MEGF11: variants seen among roughly 807,000 people sequenced by gnomAD.
MEGF11 encodes multiple epidermal growth factor-like domains protein 11.
MEGF11 carries 126 observed loss-of-function variants against 146.6 expected under a neutral mutation model. The ratio of observed to expected loss-of-function variants is 0.86; its 90% CI spans 0.74 to 1.00. The LOEUF (loss-of-function observed/expected upper bound fraction) is 1.00, where lower values mean the gene tolerates loss of function less well. MEGF11 is among the 50% of genes least tolerant of loss of function. The pLI is 0.00. For synonymous variants in MEGF11, 532 were observed against 583.4 expected (o/e 0.91, Z 1.27); for missense variants, 1,509 against 1,521.2 (o/e 0.99, Z 0.13).
chr15:66,001,242 C>T (rs1054989076), intron 5 of MEGF11, among the ~76,000 whole-genome samples: 7 of 152,106 alleles, frequency 4.6e-5, no homozygotes, highest in South Asian at 4.2e-4. Flanking sequence ...CACGCCCCCA[C>T]GAAAGTTTCT....
intron 2 of MEGF11, among the ~76,000 whole-genome samples, chr15:66,125,755 C>T (rs1597108072): frequency 6.6e-6 from 1 of 152,364 alleles, no homozygotes. Flanking sequence ...TCTTTCCTCC[C>T]TGACCAAGGT....
chr15:65,956,080 T>C (rs1259697694), intron 10 of MEGF11, among the ~76,000 whole-genome samples: 1 of 152,090 alleles, frequency 6.6e-6, no homozygotes, highest in Admixed American at 6.5e-5. Flanking sequence ...ATCTCCATCT[T>C]AGCAGCACAC....
chr15:66,054,298 C>T (rs920332992), intron 5 of MEGF11, among the ~76,000 whole-genome samples: 1 of 152,194 alleles, frequency 6.6e-6, no homozygotes, highest in Admixed American at 6.5e-5. Context: ...CAGGTCCCCT[C>T]TTGGTTTAAA....
intron 5 of MEGF11, among the ~76,000 whole-genome samples, chr15:66,042,444 A>G (rs886330230): frequency 6.6e-6 from 1 of 152,176 alleles, no homozygotes; most frequent in Admixed American, 6.5e-5. Context: ...AGGGGACGTC[A>G]GAGCTGTGAA....
intron 7 of MEGF11, among the ~76,000 whole-genome samples, chr15:65,974,032 C>T (rs532378445): frequency 1.3e-5 from 2 of 152,278 alleles, no homozygotes; most frequent in African/African-American, 4.8e-5. Context: ...TGCGCATACC[C>T]GACAGTCATT....
chr15:65,904,028 A>G (rs1361042203), intron 24 of MEGF11, among the ~76,000 whole-genome samples: 1 of 152,180 alleles, frequency 6.6e-6, no homozygotes, highest in African/African-American at 2.4e-5. Context: ...ATTCTACACA[A>G]TAGTAATGAA....
intron 1 of MEGF11, among the ~76,000 whole-genome samples, chr15:66,201,576 C>T (rs1394746497): frequency 6.6e-6 from 1 of 151,944 alleles, no homozygotes; most frequent in Admixed American, 6.6e-5. Flanking sequence ...AACAAAAGAA[C>T]CACTGCCGCT....
At chr15:66,095,636 A>G (rs997291970) in intron 4 of MEGF11, among the ~76,000 whole-genome samples, 1 of 152,178 alleles carries the variant, frequency 6.6e-6, no homozygotes, top group African/African-American at 2.4e-5. Context: ...TCCTAAGCAC[A>G]GAAACTGACC....
chr15:65,981,755 C>G lies in MEGF11; in HGVS notation c.641+487G>C, dbSNP rs141353098. On this transcript the variant is annotated intron_variant, in intron 6 of 25. Transcript: ENST00000395614. Reference sequence around the variant, plus strand: ...GGGGAGAGAAAGTAGGGGAGAGGAACAGGCAGAGTAATCCTCCCAAATCTG... The same window carrying G: ...GGGGAGAGAAAGTAGGGGAGAGGAAGAGGCAGAGTAATCCTCCCAAATCTG... Among the ~76,000 whole-genome samples, 1,241 of 152,232 alleles carry G rather than the reference C, an allele frequency of 8.2e-3. 27 individuals are homozygous for G. The highest frequency in any genetic ancestry group is 0.029 in the African/African-American group (1,191 of 41,534).
rs767343441 is a variant in MEGF11, at chr15:65,982,372, G to A, written c.511C>T (p.Arg171Cys). ...CCAGGTGCGCAGAGCTCCTCGCAGC[G>A]CCATCCACGGAAGCCGGCGGCGCAC... is the stretch of plus-strand genomic sequence containing the variant. ...CVCAAGFRGWRCEELCAPGTH... is the reference protein window; with the variant it reads ...CVCAAGFRGWCCEELCAPGTH... The change falls in exon 6 of 26, where the codon CGC becomes TGC. Residue 171 changes from arginine to cysteine, a missense_variant. Arg to Cys is a radical substitution (Grantham distance 180). Coordinates refer to ENST00000395614, the MANE Select transcript of MEGF11 (RefSeq NM_001385028.1). This position sits in a 1 kb window ranked among gnomAD's most constrained non-coding sequence, Gnocchi z 5.6. The A allele has an allele frequency of 2.0e-6, 3 of 1,533,712 alleles. No homozygotes were observed. Among genetic ancestry groups the A allele is most frequent in the South Asian group, 1.2e-5 (1 of 83,518 alleles).
At chr15:66,066,517 C>G (rs1567225285) in intron 5 of MEGF11, among the ~76,000 whole-genome samples, 2 of 152,242 alleles carry the variant, frequency 1.3e-5, no homozygotes. Flanking sequence ...CACATTATAA[C>G]CGAGCACCAA....
chr15:65,983,638 G>A (rs1323653979), intron 5 of MEGF11, among the ~76,000 whole-genome samples: 1 of 152,162 alleles, frequency 6.6e-6, no homozygotes, highest in East Asian at 1.9e-4. Context: ...GGCTAATAGG[G>A]TGAGCAACCA....
intron 10 of MEGF11, among the ~76,000 whole-genome samples, chr15:65,944,213 C>A (rs978475000): frequency 3.9e-5 from 6 of 152,122 alleles, no homozygotes; most frequent in African/African-American, 1.4e-4. Context: ...ATCCTTGGAG[C>A]TTTCTGTTTA....
intron 1 of MEGF11, among the ~76,000 whole-genome samples, chr15:66,219,412 C>T (rs2140156464): frequency 6.6e-6 from 1 of 152,278 alleles, no homozygotes; most frequent in African/African-American, 2.4e-5. Flanking sequence ...TGAACTGACA[C>T]TTCACCAAAG....
intron 5 of MEGF11, among the ~76,000 whole-genome samples, chr15:66,049,231 A>T (rs547430195): frequency 6.6e-6 from 1 of 152,324 alleles, no homozygotes; most frequent in South Asian, 2.1e-4. Flanking sequence ...GGAGGGTAGG[A>T]TCTAGTCCCT....
chr15:66,080,900 G>A (rs1247961157), intron 5 of MEGF11, among the ~76,000 whole-genome samples: 8 of 152,248 alleles, frequency 5.3e-5, no homozygotes, highest in African/African-American at 1.2e-4. Flanking sequence ...GCGAAGGGCC[G>A]CGGGCTTGGC....
intron 10 of MEGF11, among the ~76,000 whole-genome samples, chr15:65,949,629 C>A (rs968107379): frequency 2.6e-5 from 4 of 152,226 alleles, no homozygotes; most frequent in Non-Finnish European, 5.9e-5. Flanking sequence ...CACAGTGGAG[C>A]TGAAAGGGAG....
chr15:66,103,156 C>T (rs151039634), intron 4 of MEGF11, among the ~76,000 whole-genome samples: 10 of 152,216 alleles, frequency 6.6e-5, no homozygotes, highest in African/African-American at 2.4e-4. Context: ...GGTGACCGCA[C>T]ACAGTGGGGG....
intron 1 of MEGF11, among the ~76,000 whole-genome samples, chr15:66,189,804 A>G (rs192054196): frequency 9.5e-4 from 143 of 151,252 alleles, no homozygotes; most frequent in African/African-American, 3.4e-3. Context: ...ATGGGGCCTT[A>G]GAGTTCCAAT....
Sources: gnomAD v4.1 joint callset for allele counts (sites outside exome capture counted in the v4.1 genomes callset) on GRCh38, gnomAD v4.1.1 for gene constraint, Gnocchi (gnomAD v3.1) non-coding constraint, MANE v1.5 for transcripts, NCBI Gene and HGNC (gene_info 2026-07-23, HGNC 2026-07-21) for gene names.